Variants in ALPK1 observed in about 807,000 individuals in gnomAD.
The protein encoded by ALPK1 is alpha kinase 1.
Under a neutral mutation model 120.6 loss-of-function variants are expected in ALPK1, and 110 were observed. The ratio of observed to expected loss-of-function variants is 0.91; its 90% CI spans 0.78 to 1.07. The LOEUF (loss-of-function observed/expected upper bound fraction) is 1.07. Among genes scored for constraint, ALPK1 ranks in the 50% least tolerant of loss-of-function variants. ALPK1 has a pLI of 0.00. For synonymous variants in ALPK1, 582 were observed against 560.3 expected (o/e 1.04, Z -0.55); for missense variants, 1,498 against 1,483.9 (o/e 1.01, Z -0.16).
chr4:112,412,852 A>G (rs566390289), intron 5 of ALPK1, among the ~76,000 whole-genome samples: 327 of 152,286 alleles, frequency 2.1e-3, no homozygotes, highest in Non-Finnish European at 4.0e-3. Flanking sequence ...AGAGGTTAAA[A>G]TCTCTTTACT....
intron 2 of ALPK1, among the ~76,000 whole-genome samples, chr4:112,328,649 T>G (rs976880359): frequency 4.6e-5 from 7 of 152,252 alleles, no homozygotes; most frequent in African/African-American, 1.7e-4. Flanking sequence ...TTAATACTTT[T>G]GTGTAATCTC....
At chr4:112,410,470 G>A (rs1208586015) in intron 4 of ALPK1, among the ~76,000 whole-genome samples, 1 of 152,200 alleles carries the variant, frequency 6.6e-6, no homozygotes, top group Admixed American at 6.5e-5. Context: ...CTGGCACCTG[G>A]TTTTGCCCAG....
intron 5 of ALPK1, among the ~76,000 whole-genome samples, chr4:112,418,456 G>A (rs1410579901): frequency 2.0e-5 from 3 of 152,212 alleles, no homozygotes; most frequent in Non-Finnish European, 4.4e-5. Flanking sequence ...GGAGACAGAT[G>A]CTACAGAAGT....
chr4:112,378,947 G>A (rs184297255), intron 3 of ALPK1, among the ~76,000 whole-genome samples: 3 of 152,332 alleles, frequency 2.0e-5, no homozygotes, highest in Non-Finnish European at 4.4e-5. Context: ...ACCAATGTGT[G>A]ACTTTGCTTC....
At chr4:112,436,818 G>C (rs527956982) in intron 12 of ALPK1, among the ~76,000 whole-genome samples, 4 of 152,270 alleles carry the variant, frequency 2.6e-5, no homozygotes, top group African/African-American at 9.6e-5. Context: ...TGATACACCA[G>C]AGTATACCAT....
intron 2 of ALPK1, among the ~76,000 whole-genome samples, chr4:112,363,029 C>A (rs1322153774): frequency 6.6e-6 from 1 of 152,168 alleles, no homozygotes; most frequent in Non-Finnish European, 1.5e-5. Flanking sequence ...TTCAGACAAA[C>A]AAATGCTGAG....
chr4:112,300,558 G>A (rs1016942771), intron 1 of ALPK1, among the ~76,000 whole-genome samples: 1 of 151,964 alleles, frequency 6.6e-6, no homozygotes, highest in Non-Finnish European at 1.5e-5. Context: ...TCAGTGCTAG[G>A]AACAAACAGG....
chr4:112,308,165 C>T (rs955595046), intron 1 of ALPK1, among the ~76,000 whole-genome samples: 1 of 152,122 alleles, frequency 6.6e-6, no homozygotes, highest in South Asian at 2.1e-4. Context: ...ACCTTTCTCT[C>T]TGGCCGCCCT....
At chr4:112,427,768 C>A in intron 9 of ALPK1, 103 bp downstream of exon 9, 1 of 787,904 alleles carries the variant, frequency 1.3e-6, no homozygotes, top group Non-Finnish European at 2.1e-6. Context: ...AGGCAGGGAG[C>A]TCAGTGCTGC....
chr4:112,432,672 A>T, intron 11 of ALPK1, 91 bp downstream of exon 11: 1 of 1,244,404 alleles, frequency 8.0e-7, no homozygotes, highest in South Asian at 1.4e-5. Flanking sequence ...CTTAAAGCTC[A>T]TGAAAGGTAT....
At chr4:112,390,463 AT>A (rs1225711038) in intron 4 of ALPK1, among the ~76,000 whole-genome samples, 1 of 152,084 alleles carries the variant, frequency 6.6e-6, no homozygotes, top group Non-Finnish European at 1.5e-5. Context: ...ATTTGTTTAC[AT>A]TTGTTTGTGG....
At chr4:112,412,143 C>G (rs1733507974) in intron 5 of ALPK1, 118 bp downstream of exon 5, 2 of 1,262,230 alleles carry the variant, frequency 1.6e-6, no homozygotes, top group Admixed American at 1.9e-5. Flanking sequence ...TGCCATCTTT[C>G]CGAGCCCGGG....
chr4:112,413,856 C>T (rs1189703308), intron 5 of ALPK1, among the ~76,000 whole-genome samples: 1 of 152,234 alleles, frequency 6.6e-6, no homozygotes, highest in East Asian at 1.9e-4. Context: ...TGCTCCTCTG[C>T]TCACATTATC....
chr4:112,441,135 G>A lies in ALPK1; in HGVS notation c.3727+30G>A, dbSNP rs763866930. On this transcript the variant is annotated intron_variant, in intron 15 of 15. Transcript: ENST00000650871. ...GTCATAGGCTGTATGGATTGGTAAT[G>A]TGACAGACCTTAGTGATGCTCTCAA... 8.7e-6 allele frequency: 14 copies of A among 1,613,828 alleles called. 1 individual carries two copies. In the Admixed American group the frequency reaches 2.0e-4, roughly 23 times the overall value.
rs190398058 is a variant in ALPK1, at chr4:112,418,877, T to G, written c.476-5067T>G. ...AAGTCATGTCAAGAAAAAAAGTACC[T>G]CATTACTGCTTCTATTTGATACTTC... On this transcript the variant is annotated intron_variant, in intron 5 of 15. Transcript: ENST00000650871. Among the ~76,000 whole-genome samples, 31 of 152,272 alleles carry G rather than the reference T, an allele frequency of 2.0e-4. No homozygotes were observed. The East Asian group carries it at 5.4e-3, about 27-fold the overall frequency.
chr4:112,323,926 A>G (rs1156367446), intron 2 of ALPK1, among the ~76,000 whole-genome samples: 2 of 152,174 alleles, frequency 1.3e-5, no homozygotes, highest in African/African-American at 4.8e-5. Context: ...TCCAAGTCCC[A>G]CTGGAGTAGT....
At chr4:112,306,579 T>A (rs1335573277) in intron 1 of ALPK1, among the ~76,000 whole-genome samples, 27 of 151,128 alleles carry the variant, frequency 1.8e-4, no homozygotes, top group African/African-American at 6.4e-4. Flanking sequence ...TGTATTTCTG[T>A]GGGATCGGTG....
At chr4:112,343,554 T>A (rs942907708) in intron 2 of ALPK1, 9 of 152,306 alleles carry the variant, frequency 5.9e-5, no homozygotes, top group African/African-American at 9.6e-5. Context: ...TCTCCTCCGG[T>A]CAAATGAGAA....
intron 1 of ALPK1, among the ~76,000 whole-genome samples, chr4:112,306,808 G>C (rs1728086005): frequency 6.6e-6 from 1 of 151,902 alleles, no homozygotes; most frequent in Admixed American, 6.6e-5. Context: ...GAATGTGTTT[G>C]CCCTTGCTTC....
Sources: allele counts gnomAD v4.1 joint callset (sites outside exome capture counted in the v4.1 genomes callset), GRCh38; gene constraint gnomAD v4.1.1; transcripts MANE v1.5; gene names NCBI Gene and HGNC (gene_info 2026-07-23, HGNC 2026-07-21).